The following RPS6KA2 variants were observed in gnomAD, a reference collection of about 807,000 sequenced individuals.
The protein encoded by RPS6KA2 is ribosomal protein S6 kinase A2.
Under a neutral mutation model 91.8 loss-of-function variants are expected in RPS6KA2, and 42 were observed. The ratio of observed to expected loss-of-function variants is 0.46; its 90% CI spans 0.36 to 0.59. RPS6KA2 has a LOEUF of 0.59. Among genes scored for constraint, RPS6KA2 ranks in the 20% least tolerant of loss-of-function variants. The probability of loss-of-function intolerance (pLI) is 0.00; values close to 1 mark genes in which losing one functional copy is unlikely to be tolerated. For synonymous variants in RPS6KA2, 414 were observed against 393.6 expected (o/e 1.05, Z -0.61); for missense variants, 798 against 978.5 (o/e 0.82, Z 2.46).
chr6:166,778,128 C>T (rs1778674206), intron 2 of RPS6KA2, among the ~76,000 whole-genome samples: 1 of 152,200 alleles, frequency 6.6e-6, no homozygotes, highest in African/African-American at 2.4e-5. Flanking sequence ...AAGACAAGCC[C>T]TGGCAGGGAG....
intron 2 of RPS6KA2, among the ~76,000 whole-genome samples, chr6:166,695,954 C>T (rs371610847): frequency 3.9e-5 from 6 of 152,176 alleles, no homozygotes; most frequent in Admixed American, 2.0e-4. Flanking sequence ...ACTGCGCATG[C>T]GGGAATCCAG....
chr6:166,413,903 TC>T lies in RPS6KA2; in HGVS notation c.1966del (p.Asp656ThrfsTer6). The T allele has an allele frequency of 6.2e-7, 1 of 1,613,978 alleles. No individual in the cohort carries two copies. Among genetic ancestry groups the T allele is most frequent in the South Asian group, 1.1e-5 (1 of 91,076 alleles). ...CATCGCCGTCAGGCGCTGATGAGGG[TC>T]CACGTGGAGCATCTTGGACACGACG... ...KDVVSKMLHV[D>X]PHQRLTAMQV... On this transcript the variant is annotated frameshift_variant, in exon 20 of 21. Coordinates refer to ENST00000265678, the MANE Select transcript of RPS6KA2 (RefSeq NM_021135.6). LOFTEE classifies it high-confidence loss of function.
chr6:166,646,636 G>A (rs929567574), intron 2 of RPS6KA2, among the ~76,000 whole-genome samples: 5 of 152,212 alleles, frequency 3.3e-5, no homozygotes, highest in Admixed American at 6.5e-5. Flanking sequence ...TCTGGGCCAC[G>A]GTGCAGCTCT....
At chr6:166,549,225 A>C (rs2128499509) in intron 1 of RPS6KA2, among the ~76,000 whole-genome samples, 1 of 152,368 alleles carries the variant, frequency 6.6e-6, no homozygotes, top group East Asian at 1.9e-4. Context: ...GCTGGTGTAA[A>C]TATAAAATGT....
Position 166,487,109 on chromosome 6 carries a change from G to A in RPS6KA2, c.907+1724C>T, listed in dbSNP as rs78396806. ...CACCGTTTATTTGTACCCCTTTTAC[G>A]CAGGTATGGCTATTTCTGTTGGAGA... On this transcript the variant is annotated intron_variant, in intron 10 of 20. Transcript: ENST00000265678. Among the ~76,000 whole-genome samples, 635 of 152,310 alleles carry A rather than the reference G, an allele frequency of 4.2e-3. 2 individuals carry two copies. Among genetic ancestry groups the A allele is most frequent in the Non-Finnish European group, 6.8e-3 (464 of 68,026 alleles).
At chr6:166,811,632 CAAAATA>C (rs976381180) in intron 2 of RPS6KA2, among the ~76,000 whole-genome samples, 1 of 152,126 alleles carries the variant, frequency 6.6e-6, no homozygotes, top group African/African-American at 2.4e-5. Flanking sequence ...TCAGAAAAAA[CAAAATA>C]AAAATAAAAG....
rs928770976 is a variant in RPS6KA2 at position 166,412,631 on chromosome 6, G to GT, written c.*130_*131insA. The GT allele has an allele frequency of 1.1e-6, 1 of 917,464 alleles. No individual in the cohort carries two copies. The highest frequency in any genetic ancestry group is 1.7e-5 in the African/African-American group (1 of 59,358). The allele number at this position is 917,464 out of a possible 1,614,324, so 56.8% of individuals were successfully genotyped here. A position where few individuals can be genotyped will look rare whatever the true frequency, so the allele number is the denominator to read the frequency against. The stretch of plus-strand genomic sequence containing the variant: ...CTCCGGGGCTGAAAAAGAAAACACG[G>GT]ACACGGCGAGGGCGGGCGCCGCCTC... On this transcript the variant is annotated 3_prime_UTR_variant, in exon 21 of 21. Transcript: ENST00000265678. This position sits in a 1 kb window ranked among gnomAD's most constrained non-coding sequence, Gnocchi z 4.3.
At chr6:166,492,546 C>A (rs1049807103) in intron 8 of RPS6KA2, among the ~76,000 whole-genome samples, 1 of 152,174 alleles carries the variant, frequency 6.6e-6, no homozygotes, top group African/African-American at 2.4e-5. Context: ...ACTATGAAAT[C>A]CCATTTCCAA....
At chr6:166,611,035 A>C (rs1034961932) in intron 1 of RPS6KA2, among the ~76,000 whole-genome samples, 8 of 152,394 alleles carry the variant, frequency 5.2e-5, no homozygotes, top group African/African-American at 1.7e-4. Flanking sequence ...AAGGATAAAA[A>C]GAATGATTGC....
intron 2 of RPS6KA2, among the ~76,000 whole-genome samples, chr6:166,692,132 G>A (rs933686550): frequency 9.9e-5 from 15 of 152,088 alleles, no homozygotes; most frequent in Non-Finnish European, 1.9e-4. Flanking sequence ...GGACGTGTGG[G>A]TTCTCCACCT....
chr6:166,607,222 G>A (rs1231549332), intron 1 of RPS6KA2, among the ~76,000 whole-genome samples: 1 of 148,464 alleles, frequency 6.7e-6, no homozygotes, highest in African/African-American at 2.5e-5. Context: ...AAATGGTCTA[G>A]AAGTTCCTCA....
chr6:166,773,164 C>T (rs542971716), intron 2 of RPS6KA2, among the ~76,000 whole-genome samples: 27 of 152,248 alleles, frequency 1.8e-4, no homozygotes, highest in Non-Finnish European at 3.1e-4. Flanking sequence ...ATCCAGGACA[C>T]GAGAGGAGAG....
At chr6:166,854,977 TGTGATA>T (rs1780848625) in intron 2 of RPS6KA2, among the ~76,000 whole-genome samples, 1 of 152,052 alleles carries the variant, frequency 6.6e-6, no homozygotes, top group Non-Finnish European at 1.5e-5. Flanking sequence ...ATCAAGAAAA[TGTGATA>T]CAGATACATC....
Position 166,733,387 on chromosome 6 carries a change from A to G in RPS6KA2, c.123+124813T>C, listed in dbSNP as rs935124607. Among the ~76,000 whole-genome samples the G allele has an allele frequency of 1.3e-5, 2 of 152,106 alleles. No homozygotes were observed. The highest frequency in any genetic ancestry group is 2.9e-5 in the Non-Finnish European group (2 of 68,010). On this transcript the variant is annotated intron_variant, in intron 2 of 21. Coordinates refer to the RPS6KA2 transcript ENST00000503859. This position sits in a 1 kb window ranked among gnomAD's most constrained non-coding sequence, Gnocchi z 4.1. Reference sequence around the variant, plus strand: ...GGAACTCATCCTTGAATTAATTGGAATGTTCTTTTGCATTGTCGTCCAGGA... The same window carrying G: ...GGAACTCATCCTTGAATTAATTGGAGTGTTCTTTTGCATTGTCGTCCAGGA...
intron 1 of RPS6KA2, among the ~76,000 whole-genome samples, chr6:166,572,298 G>A (rs1256804500): frequency 6.6e-6 from 1 of 152,206 alleles, no homozygotes; most frequent in Non-Finnish European, 1.5e-5. Flanking sequence ...ATATTGAGAA[G>A]AAGAATGAAA....
chr6:166,671,476 C>T (rs867953465), intron 2 of RPS6KA2, among the ~76,000 whole-genome samples: 6 of 152,032 alleles, frequency 3.9e-5, no homozygotes, highest in Admixed American at 3.3e-4. Flanking sequence ...ACGCTGGTGA[C>T]CTGTATATTG....
At chr6:166,636,379 C>T (rs80157787) in intron 2 of RPS6KA2, among the ~76,000 whole-genome samples, 3 of 152,104 alleles carry the variant, frequency 2.0e-5, no homozygotes, top group African/African-American at 7.2e-5. Flanking sequence ...CTCAGACAGG[C>T]TTGAATCAGC....
chr6:166,431,579 C>G (rs951408921), intron 15 of RPS6KA2, among the ~76,000 whole-genome samples: 1 of 152,204 alleles, frequency 6.6e-6, no homozygotes, highest in Non-Finnish European at 1.5e-5. Flanking sequence ...GCTTTTATCT[C>G]ATAAACTAAA....
Position 166,853,549 on chromosome 6 carries a change from C to T in RPS6KA2, c.123+4651G>A, listed in dbSNP as rs373658659. Reference sequence around the variant, plus strand: ...ATCAGGACAGCCTCAGCCCTCCCAACCGCCCAGCACAGCAGCTCAGAGGAG... The same window carrying T: ...ATCAGGACAGCCTCAGCCCTCCCAATCGCCCAGCACAGCAGCTCAGAGGAG... On this transcript the variant is annotated intron_variant, in intron 2 of 21. Coordinates refer to the RPS6KA2 transcript ENST00000503859. Among the ~76,000 whole-genome samples, 379 of 152,378 alleles carry T rather than the reference C, an allele frequency of 2.5e-3. 1 individual carries two copies. Among genetic ancestry groups the T allele is most frequent in the African/African-American group, 8.5e-3 (354 of 41,594 alleles).
Sources: allele counts gnomAD v4.1 joint callset (sites outside exome capture counted in the v4.1 genomes callset), GRCh38; gene constraint gnomAD v4.1.1; non-coding constraint Gnocchi (gnomAD v3.1); transcripts MANE v1.5; gene names NCBI Gene and HGNC (gene_info 2026-07-23, HGNC 2026-07-21).